Variants in NDUFA10 observed in about 807,000 individuals in gnomAD.
NDUFA10 encodes NADH dehydrogenase [ubiquinone] 1 alpha subcomplex subunit 10, mitochondrial.
NDUFA10 carries 40 observed loss-of-function variants against 47.8 expected under a neutral mutation model. That is an observed-to-expected ratio of 0.84 (90% confidence interval 0.65 to 1.09). The LOEUF (loss-of-function observed/expected upper bound fraction) is 1.09, where lower values mean the gene tolerates loss of function less well. Ranked by LOEUF, NDUFA10 falls within the 50% of genes least tolerant of loss-of-function variation. The pLI, the probability that NDUFA10 is intolerant of heterozygous loss-of-function variation, is 0.00. For missense variants in NDUFA10, 413 were observed against 451.1 expected, an observed-to-expected ratio of 0.92 and a Z score of 0.76; for synonymous variants, 183 against 172.2, an observed-to-expected ratio of 1.06 and a Z score of -0.49.
At chr2:240,003,237 T>G (rs1696796941) in intron 8 of NDUFA10, among the ~76,000 whole-genome samples, 1 of 152,026 alleles carries the variant, frequency 6.6e-6, no homozygotes, top group African/African-American at 2.4e-5. Context: ...CTGGTCATCC[T>G]AGGAGACTAC....
chr2:239,982,621 C>A (rs568899099), intron 9 of NDUFA10, among the ~76,000 whole-genome samples: 1 of 152,308 alleles, frequency 6.6e-6, no homozygotes, highest in South Asian at 2.1e-4. Flanking sequence ...CAGGCCCTAT[C>A]TCTTCCTATA....
At chr2:240,025,164 T>TCGCCC in intron 1 of NDUFA10, 63 bp downstream of exon 1, 1 of 594,916 alleles carries the variant, frequency 1.7e-6, no homozygotes, top group Non-Finnish European at 2.7e-6. Context: ...GTGGAACTGC[T>TCGCCC]CCCCACCCCG....
At chr2:239,939,371 G>T (rs564702542) in intron 4 of NDUFA10, among the ~76,000 whole-genome samples, 22 of 152,250 alleles carry the variant, frequency 1.4e-4, no homozygotes, top group African/African-American at 5.3e-4. Flanking sequence ...GGAGAGAGAG[G>T]GGTAGAACCA....
intron 9 of NDUFA10, among the ~76,000 whole-genome samples, chr2:239,975,408 T>C (rs1695480024): frequency 3.3e-5 from 5 of 152,232 alleles, no homozygotes. Flanking sequence ...AGTCTGTGCA[T>C]GGTGCTCACC....
chr2:240,009,202 A>G (rs1322145063), intron 6 of NDUFA10, among the ~76,000 whole-genome samples: 1 of 152,218 alleles, frequency 6.6e-6, no homozygotes, highest in Non-Finnish European at 1.5e-5. Context: ...AACTCGCTAC[A>G]TGTCAGGCTG....
intron 8 of NDUFA10, among the ~76,000 whole-genome samples, chr2:239,999,129 GTTGT>G (rs1312979048): frequency 6.6e-6 from 1 of 152,196 alleles, no homozygotes; most frequent in Non-Finnish European, 1.5e-5. Flanking sequence ...TCTGTGGCAG[GTTGT>G]TTCTTTCTCC....
rs61475593 is a variant in NDUFA10 at position 240,002,330 on chromosome 2, CAAAAA to C, written c.890+2875_890+2879del. 2.7e-4 allele frequency among the ~76,000 whole-genome samples: 23 copies of C among 83,752 alleles called. No individual in the cohort carries two copies. In the South Asian group the frequency reaches 3.3e-3, roughly 12 times the overall value. The allele number at this position is 83,752 out of a possible 152,430, so 54.9% of individuals were successfully genotyped here. A position where few individuals can be genotyped will look rare whatever the true frequency, so the allele number is the denominator to read the frequency against. ...GGGCAACAAGAGCAAAACTCTGACT[CAAAAA>C]AAAAAAAAAAAAAAAAAAAAAGACA... On this transcript the variant is annotated intron_variant, in intron 8 of 9. Transcript: ENST00000252711.
intron 4 of NDUFA10, among the ~76,000 whole-genome samples, chr2:239,910,697 A>G (rs899586933): frequency 6.6e-6 from 1 of 152,142 alleles, no homozygotes; most frequent in Admixed American, 6.6e-5. Context: ...CACGCCCCGC[A>G]CCTGTACCCC....
intron 4 of NDUFA10, chr2:240,018,008 C>T: frequency 1.1e-6 from 1 of 947,362 alleles, no homozygotes; most frequent in Non-Finnish European, 1.6e-6. Context: ...CCTGACTCCT[C>T]AAGGTCAGCC....
At position 240,000,528 on chromosome 2, in the gene NDUFA10, T is replaced by C. The variant is rs142016640; in HGVS notation, c.890+4682A>G. Among the ~76,000 whole-genome samples the C allele has an allele frequency of 7.9e-3, 1,202 of 152,336 alleles. 8 individuals are homozygous for C. Among genetic ancestry groups the C allele is most frequent in the Admixed American group, 0.012 (185 of 15,310 alleles). On this transcript the variant is annotated intron_variant, in intron 8 of 9. Transcript: ENST00000252711. ...TTATAGTAAGCTAAGGTTAATCTCT[T>C]ACTGAAGAAAAAAACTTTTTATATA... is the stretch of plus-strand genomic sequence containing the variant.
intron 9 of NDUFA10, among the ~76,000 whole-genome samples, chr2:239,986,648 T>C (rs1696014662): frequency 6.6e-6 from 1 of 152,228 alleles, no homozygotes; most frequent in Non-Finnish European, 1.5e-5. Context: ...TACTTGCTTC[T>C]AGTAGGACAC....
chr2:239,937,344 C>T (rs1490504375), intron 4 of NDUFA10, among the ~76,000 whole-genome samples: 1 of 152,194 alleles, frequency 6.6e-6, no homozygotes, highest in Non-Finnish European at 1.5e-5. Context: ...GAAAAGGATG[C>T]CTCATGCCCA....
intron 9 of NDUFA10, among the ~76,000 whole-genome samples, chr2:239,980,572 G>A (rs113149657): frequency 2.0e-5 from 3 of 152,268 alleles, no homozygotes; most frequent in Non-Finnish European, 4.4e-5. Flanking sequence ...GCTACAGAAA[G>A]AACCAGCACC....
At chr2:239,893,399 G>A (rs1209041317) in intron 5 of NDUFA10, among the ~76,000 whole-genome samples, 10 of 152,346 alleles carry the variant, frequency 6.6e-5, no homozygotes, top group African/African-American at 2.4e-4. Context: ...TGGCTGTTGG[G>A]ATGTGTCTTA....
intron 4 of NDUFA10, among the ~76,000 whole-genome samples, chr2:239,907,099 A>C: frequency 6.6e-6 from 1 of 152,200 alleles, no homozygotes; most frequent in Non-Finnish European, 1.5e-5. Context: ...CTCAGAAACA[A>C]TACCACACAT....
chr2:239,913,788 A>T (rs1431914516), intron 4 of NDUFA10, among the ~76,000 whole-genome samples: 1 of 152,244 alleles, frequency 6.6e-6, no homozygotes, highest in Non-Finnish European at 1.5e-5. Context: ...CCCATCTGGC[A>T]GGCTGCATGT....
intron 4 of NDUFA10, among the ~76,000 whole-genome samples, chr2:239,910,355 C>T (rs1233612280): frequency 1.3e-5 from 2 of 152,120 alleles, no homozygotes; most frequent in Non-Finnish European, 2.9e-5. Flanking sequence ...GAAAATGTGG[C>T]ACATATACAC....
chr2:239,914,356 A>G (rs60152882), intron 4 of NDUFA10, among the ~76,000 whole-genome samples: 13,450 of 151,766 alleles, frequency 0.089, 627 homozygotes, highest in Admixed American at 0.13. Context: ...ATATACAGAC[A>G]CAAAGAGATA....
intron 9 of NDUFA10, among the ~76,000 whole-genome samples, chr2:239,967,566 C>T (rs1263746531): frequency 2.0e-5 from 3 of 152,170 alleles, no homozygotes; most frequent in Non-Finnish European, 2.9e-5. Context: ...GCTGAGTCCA[C>T]GACGTGGTTT....
Sources: gnomAD v4.1 joint callset for allele counts (sites outside exome capture counted in the v4.1 genomes callset) on GRCh38, gnomAD v4.1.1 for gene constraint, MANE v1.5 for transcripts, NCBI Gene and HGNC (gene_info 2026-07-23, HGNC 2026-07-21) for gene names.